SORL1: variants seen among roughly 807,000 people sequenced by gnomAD.
SORL1 encodes sortilin-related receptor.
In SORL1, 127 loss-of-function variants were observed where a neutral mutation model predicts 273.7. The observed-to-expected ratio is 0.46, with a 90% CI of 0.40 to 0.54. The LOEUF (loss-of-function observed/expected upper bound fraction) is 0.54, where lower values mean the gene tolerates loss of function less well. Ranked by LOEUF, SORL1 falls within the 20% of genes least tolerant of loss-of-function variation. The pLI is 0.00. For missense variants in SORL1, 2,494 were observed against 2,846.1 expected, an observed-to-expected ratio of 0.88 and a Z score of 2.81; for synonymous variants, 1,031 against 1,067.4, an observed-to-expected ratio of 0.97 and a Z score of 0.66.
Position 121,583,525 on chromosome 11 carries a change from G to A in SORL1, c.3648G>A (p.Trp1216Ter). The stretch of plus-strand genomic sequence containing the variant: ...ACGGGCACTGCATCCCCCAGCGGTG[G>A]GCGTGTGACGGGGATACGGACTGCC... ...CRNGHCIPQR[W>*]ACDGDTDCQD... is the part of the protein sequence containing the mutation. The change falls in exon 26 of 48, where the codon TGG becomes TGA. Residue 1216 changes from tryptophan to a stop codon, truncating the protein, a stop_gained. Coordinates refer to ENST00000260197, the MANE Select transcript of SORL1 (RefSeq NM_003105.6). LOFTEE classifies it high-confidence loss of function. 6.2e-7 allele frequency: 1 copy of A among 1,612,842 alleles called. No individual in the cohort carries two copies. The highest frequency in any genetic ancestry group is 1.7e-4 in the Middle Eastern group (1 of 6,056).
Position 121,502,435 on chromosome 11 carries a change from C to T in SORL1, c.939+5386C>T, listed in dbSNP as rs117181394. 7.6e-3 allele frequency among the ~76,000 whole-genome samples: 1,152 copies of T among 152,144 alleles called. 7 individuals carry two copies. The highest frequency in any genetic ancestry group is 0.014 in the South Asian group (68 of 4,824). ...ACAGGCGTGAGCCACCATGCCCGGC[C>T]GACAATTCTATGTTTAACTTTTCGA... On this transcript the variant is annotated intron_variant, in intron 6 of 47. Transcript: ENST00000260197.
At chr11:121,487,322 G>T (rs1861490131) in intron 3 of SORL1, among the ~76,000 whole-genome samples, 1 of 152,204 alleles carries the variant, frequency 6.6e-6, no homozygotes, top group Admixed American at 6.5e-5. Context: ...GAATTGCCTG[G>T]ATCCTTCTCC....
chr11:121,589,634 AT>A (rs1863179263), intron 29 of SORL1, among the ~76,000 whole-genome samples: 1 of 152,244 alleles, frequency 6.6e-6, no homozygotes, highest in Non-Finnish European at 1.5e-5. Context: ...AGACCACATT[AT>A]GTATAAGGAA....
At chr11:121,498,056 A>G (rs1861657528) in intron 6 of SORL1, among the ~76,000 whole-genome samples, 1 of 152,184 alleles carries the variant, frequency 6.6e-6, no homozygotes, top group East Asian at 1.9e-4. Flanking sequence ...TGGGTGGCTA[A>G]AGGCTAGAGG....
At chr11:121,608,334 G>T in intron 38 of SORL1, 158 bp downstream of exon 38, 1 of 619,002 alleles carries the variant, frequency 1.6e-6, no homozygotes, top group Non-Finnish European at 2.8e-6. Flanking sequence ...TCTCTGTAGT[G>T]CTTTAGATAG....
Position 121,550,530 on chromosome 11 carries a change from CT to C in SORL1, c.2181-52del. Reference sequence around the variant, plus strand: ...GTAAGTGTATTCCCAGCTGGGATGCCTTTGTGGCTATTCTTCCATGTTTCTG... The same window carrying C: ...GTAAGTGTATTCCCAGCTGGGATGCCTTGTGGCTATTCTTCCATGTTTCTG... On this transcript the variant is annotated intron_variant, in intron 15 of 47. Transcript: ENST00000260197. The surrounding 1 kb of genome is among the most constrained non-coding windows in gnomAD (Gnocchi z 5.3). 6.6e-7 allele frequency: 1 copy of C among 1,515,754 alleles called. No homozygotes were observed. Among genetic ancestry groups the C allele is most frequent in the Non-Finnish European group, 9.2e-7 (1 of 1,091,004 alleles). 93.9% of individuals were successfully genotyped at this position (1,515,754 alleles called of 1,614,324 possible). A position where few individuals can be genotyped will look rare whatever the true frequency, so the allele number is the denominator to read the frequency against.
intron 5 of SORL1, among the ~76,000 whole-genome samples, chr11:121,496,301 G>A (rs1258187037): frequency 6.6e-6 from 1 of 152,222 alleles, no homozygotes; most frequent in African/African-American, 2.4e-5. Context: ...AGATCAGTAT[G>A]TTTGAGAAAG....
At chr11:121,519,497 C>A (rs959011523) in intron 8 of SORL1, among the ~76,000 whole-genome samples, 1 of 151,962 alleles carries the variant, frequency 6.6e-6, no homozygotes, top group Non-Finnish European at 1.5e-5. Context: ...CTGCAAGCTC[C>A]GCGTCCCGGG....
chr11:121,533,111 T>C (rs1489338424), intron 12 of SORL1, among the ~76,000 whole-genome samples: 1 of 152,176 alleles, frequency 6.6e-6, no homozygotes, highest in African/African-American at 2.4e-5. Flanking sequence ...CTTTAATTTG[T>C]CCTTCTTTGC....
intron 6 of SORL1, among the ~76,000 whole-genome samples, chr11:121,510,479 G>C (rs2134841046): frequency 6.6e-6 from 1 of 152,282 alleles, no homozygotes; most frequent in East Asian, 1.9e-4. Flanking sequence ...CATGGTTCAA[G>C]ACATCCATAC....
chr11:121,547,943 T>A (rs926348877), intron 14 of SORL1, among the ~76,000 whole-genome samples: 12 of 152,210 alleles, frequency 7.9e-5, no homozygotes, highest in Non-Finnish European at 1.0e-4. Flanking sequence ...GATAGTCCTT[T>A]TAGACCACAC....
intron 11 of SORL1, among the ~76,000 whole-genome samples, chr11:121,526,153 TACTC>T (rs1862120900): frequency 2.0e-5 from 3 of 152,244 alleles, no homozygotes; most frequent in African/African-American, 7.2e-5. Flanking sequence ...TATGGGTAGA[TACTC>T]ATTTTTTCCA....
At chr11:121,499,370 A>G (rs1263128782) in intron 6 of SORL1, among the ~76,000 whole-genome samples, 1 of 152,122 alleles carries the variant, frequency 6.6e-6, no homozygotes, top group African/African-American at 2.4e-5. Flanking sequence ...GTGTTTCCCA[A>G]ATTGTGGTCT....
intron 25 of SORL1, among the ~76,000 whole-genome samples, chr11:121,581,633 G>A (rs996774475): frequency 1.2e-4 from 18 of 152,210 alleles, no homozygotes; most frequent in African/African-American, 4.1e-4. Context: ...GAAAAATCTA[G>A]AAAAAGATAA....
Position 121,627,253 on chromosome 11 carries a change from G to A in SORL1, c.6365-302G>A. ...AAGTAATAATGCTAATGAAATCAAT[G>A]TTGATACCCCAACAAAGGTCTCCCT... On this transcript the variant is annotated intron_variant, in intron 46 of 47. Coordinates refer to ENST00000260197, the MANE Select transcript of SORL1 (RefSeq NM_003105.6). The surrounding 1 kb of genome is among the most constrained non-coding windows in gnomAD (Gnocchi z 4.9). 1 of 370,026 alleles carries A rather than the reference G, an allele frequency of 2.7e-6. No individual in the cohort carries two copies. Among genetic ancestry groups the A allele is most frequent in the Non-Finnish European group, 5.0e-6 (1 of 201,078 alleles). The allele number at this position is 370,026 out of a possible 1,614,324, so 22.9% of individuals were successfully genotyped here.
chr11:121,630,865 T>TA lies in SORL1; in HGVS notation c.*1303dup, dbSNP rs1863865424. On this transcript the variant is annotated 3_prime_UTR_variant, in exon 48 of 48. Transcript: ENST00000260197. ...ATTCAAACCATGGCCACTTGATACT[T>TA]ATGTAGAATCCATCGTGGGCTGATG... The TA allele has an allele frequency of 6.6e-6, 1 of 152,260 alleles. No individual in the cohort carries two copies. Among genetic ancestry groups the TA allele is most frequent in the African/African-American group, 2.4e-5 (1 of 41,474 alleles). The allele number at this position is 152,260 out of a possible 1,614,324, so 9.4% of individuals were successfully genotyped here. A position where few individuals can be genotyped will look rare whatever the true frequency, so the allele number is the denominator to read the frequency against.
chr11:121,463,048 C>T (rs555013363), intron 1 of SORL1, among the ~76,000 whole-genome samples: 6 of 152,248 alleles, frequency 3.9e-5, no homozygotes, highest in African/African-American at 1.2e-4. Context: ...GAAATCCTCA[C>T]GTAGGGCAAG....
At chr11:121,504,427 C>G (rs1052197297) in intron 6 of SORL1, among the ~76,000 whole-genome samples, 1 of 152,056 alleles carries the variant, frequency 6.6e-6, no homozygotes, top group Non-Finnish European at 1.5e-5. Context: ...AAAAAATTTC[C>G]TAAGTATTCT....
Position 121,555,264 on chromosome 11 carries a change from T to G in SORL1, c.2517T>G (p.Phe839Leu), listed in dbSNP as rs751384153. The change falls in exon 18 of 48, where the codon TTT (phenylalanine) becomes TTG (leucine). Residue 839 changes from phenylalanine to leucine, a missense_variant. By Grantham distance (22) the Phe-to-Leu change is conservative. Transcript: ENST00000260197. Reference sequence around the variant, plus strand: ...TGGAGACAGTAGAAGCTTTGGCTTTTGAACCCCTCAGCCAGCTGCTTTACT... The same window carrying G: ...TGGAGACAGTAGAAGCTTTGGCTTTGGAACCCCTCAGCCAGCTGCTTTACT... ...SGLETVEALAFEPLSQLLYWV... is the reference protein window; with the variant it reads ...SGLETVEALALEPLSQLLYWV... 68 of 1,614,044 alleles carry G rather than the reference T, an allele frequency of 4.2e-5. No individual in the cohort carries two copies. The highest frequency in any genetic ancestry group is 5.3e-5 in the Non-Finnish European group (62 of 1,179,970).
Sources: allele counts gnomAD v4.1 joint callset (sites outside exome capture counted in the v4.1 genomes callset), GRCh38; gene constraint gnomAD v4.1.1; non-coding constraint Gnocchi (gnomAD v3.1); transcripts MANE v1.5; gene names NCBI Gene and HGNC (gene_info 2026-07-23, HGNC 2026-07-21).